Variants in GSDMA observed in about 807,000 individuals in gnomAD.
The protein encoded by GSDMA is gasdermin-A.
A neutral mutation model predicts 54.3 loss-of-function variants in GSDMA; 55 were observed. That is an observed-to-expected ratio of 1.01 (90% confidence interval 0.82 to 1.27). The LOEUF is 1.27. Among genes scored for constraint, GSDMA ranks in the 50% most tolerant of loss-of-function variants. The pLI is 0.00. For missense variants in GSDMA, 542 were observed against 542.6 expected (o/e 1.00, Z 0.01); for synonymous variants, 211 against 224.7 (o/e 0.94, Z 0.54).
intron 2 of GSDMA, 39 bp downstream of exon 2, chr17:39,965,940 G>A (rs762263890): frequency 3.9e-6 from 6 of 1,533,110 alleles, no homozygotes; most frequent in Non-Finnish European, 5.3e-6. Context: ...GGGATACTGA[G>A]GGACAGGGGC....
At chr17:39,968,214 A>G (rs899326051) in intron 3 of GSDMA, among the ~76,000 whole-genome samples, 1 of 150,820 alleles carries the variant, frequency 6.6e-6, no homozygotes, top group African/African-American at 2.4e-5. Context: ...TAATTTTTGT[A>G]TTATTAGTAG....
chr17:39,965,246 AAGGG>A (rs558221996), intron 1 of GSDMA, among the ~76,000 whole-genome samples: 4 of 59,944 alleles, frequency 6.7e-5, no homozygotes, highest in Non-Finnish European at 1.3e-4. Context: ...GGAAGGAAGA[AAGGG>A]AGGGAGGGAG....
Position 39,965,829 on chromosome 17 carries a change from T to C in GSDMA, c.142T>C (p.Phe48Leu), listed in dbSNP as rs1164485348. ...LVLRKRKSTL[F>L]WGARYVRTDY... ...GCTGAGGAAGAGGAAGAGCACGCTC[T>C]TCTGGGGGGCCCGGTACGTCCGCAC... is the stretch of plus-strand genomic sequence containing the variant. Residue 48 changes from phenylalanine to leucine, a missense_variant, in exon 2 of 12, where the codon TTC (phenylalanine) becomes CTC (leucine). By Grantham distance (22) the Phe-to-Leu change is conservative (BLOSUM62 0). Coordinates refer to ENST00000301659, the MANE Select transcript of GSDMA (RefSeq NM_178171.5). 6.3e-7 allele frequency: 1 copy of C among 1,584,862 alleles called. No homozygotes were observed. The highest frequency in any genetic ancestry group is 8.6e-7 in the Non-Finnish European group (1 of 1,166,076).
intron 10 of GSDMA, among the ~76,000 whole-genome samples, 171 bp downstream of exon 10, chr17:39,975,185 A>T (rs1013931239): frequency 6.6e-6 from 1 of 152,240 alleles, no homozygotes; most frequent in African/African-American, 2.4e-5. Flanking sequence ...GCAGTGGCTC[A>T]TGCCTGTAAT....
intron 3 of GSDMA, among the ~76,000 whole-genome samples, chr17:39,970,089 G>C (rs11654561): frequency 0.023 from 3,417 of 151,542 alleles, 167 homozygotes; most frequent in African/African-American, 0.078. Flanking sequence ...GAGGAAAGAG[G>C]GGGGGAGCAT....
At chr17:39,963,920 T>A (rs1223489518) in intron 1 of GSDMA, among the ~76,000 whole-genome samples, 1 of 152,134 alleles carries the variant, frequency 6.6e-6, no homozygotes, top group African/African-American at 2.4e-5. Context: ...GGCCCTCTCA[T>A]CCTAGCGCAC....
chr17:39,974,470 T>C lies in GSDMA; in HGVS notation c.906+43T>C, dbSNP rs967166659. The stretch of plus-strand genomic sequence containing the variant: ...GTGGGGAAGGGTGGGAGAAGGCATG[T>C]TTTGGTGAAGATTTGGTGGGGGCGG... On this transcript the variant is annotated intron_variant, in intron 9 of 11. Coordinates refer to ENST00000301659, the MANE Select transcript of GSDMA (RefSeq NM_178171.5). 2.0e-6 allele frequency: 3 copies of C among 1,526,524 alleles called. No homozygotes were observed. The African/African-American group carries it at 4.2e-5, about 21-fold the overall frequency. The allele number at this position is 1,526,524 out of a possible 1,614,324, so 94.6% of individuals were successfully genotyped here. A position where few individuals can be genotyped will look rare whatever the true frequency, so the allele number is the denominator to read the frequency against.
In GSDMA at chr17:39,965,746, A is replaced by T. The variant is rs1241205798; in HGVS notation, c.59A>T (p.Asp20Val). Reference sequence around the variant, plus strand: ...GCCAGACAGCTAAACCCTCGAGGGGACCTGACACCACTTGACAGCCTCATC... The same window carrying T: ...GCCAGACAGCTAAACCCTCGAGGGGTCCTGACACCACTTGACAGCCTCATC... ...ALARQLNPRG[D>V]LTPLDSLIDF... The change falls in exon 2 of 12, where the codon GAC becomes GTC. Residue 20 changes from aspartate to valine, a missense_variant. Asp to Val is a radical substitution (Grantham distance 152, BLOSUM62 -3). Coordinates refer to ENST00000301659, the MANE Select transcript of GSDMA (RefSeq NM_178171.5). 2 of 1,611,538 alleles carry T rather than the reference A, an allele frequency of 1.2e-6. No individual in the cohort carries two copies. The highest frequency in any genetic ancestry group is 2.7e-5 in the African/African-American group (2 of 74,824).
chr17:39,973,564 GAA>G (rs34114516), intron 7 of GSDMA, among the ~76,000 whole-genome samples: 51,943 of 144,256 alleles, frequency 0.36, 9,121 homozygotes, highest in Middle Eastern at 0.47. Flanking sequence ...GCCTGGCCTA[GAA>G]AAAAAAAAAA....
chr17:39,977,068 T>C lies in GSDMA; in HGVS notation c.*10T>C. On this transcript the variant is annotated 3_prime_UTR_variant, in exon 12 of 12. Transcript: ENST00000301659. The stretch of plus-strand genomic sequence containing the variant: ...TACCAAGGCCTCCTAATTTGCCTTT[T>C]ACGTCTGCTTCATGACTCCCTAATG... The C allele has an allele frequency of 6.2e-7, 1 of 1,613,630 alleles. No homozygotes were observed. The highest frequency in any genetic ancestry group is 8.5e-7 in the Non-Finnish European group (1 of 1,179,728).
chr17:39,965,942 G>C, intron 2 of GSDMA, 41 bp downstream of exon 2: 2 of 1,529,428 alleles, frequency 1.3e-6, no homozygotes, highest in Non-Finnish European at 1.8e-6. Flanking sequence ...GATACTGAGG[G>C]ACAGGGGCTG....
At chr17:39,965,191 A>AAGGG (rs947692773) in intron 1 of GSDMA, among the ~76,000 whole-genome samples, 4 of 140,212 alleles carry the variant, frequency 2.9e-5, no homozygotes, top group Admixed American at 1.4e-4. Context: ...GGAAGGAAGG[A>AAGGG]AGGGAGAGGG....
rs1415834591 is a variant in GSDMA, at chr17:39,974,368, C to A, written c.847C>A (p.Leu283Ile). 2 of 1,598,484 alleles carry A rather than the reference C, an allele frequency of 1.3e-6. No individual in the cohort carries two copies. The highest frequency in any genetic ancestry group is 4.5e-5 in the East Asian group (2 of 44,196). ...KLSRVGQSSL[L>I]SSLSKLLGKK... ...GAGCCGAGTAGGGCAAAGCTCCCTGCTCAGCTCCCTCAGCAAACTTCTAGG... is the reference window on the plus strand; with the variant it reads ...GAGCCGAGTAGGGCAAAGCTCCCTGATCAGCTCCCTCAGCAAACTTCTAGG... Residue 283 changes from leucine to isoleucine, a missense_variant, in exon 9 of 12, where the codon CTC becomes ATC. Transcript: ENST00000301659.
intron 3 of GSDMA, among the ~76,000 whole-genome samples, chr17:39,968,841 TGACATTATAG>T (rs2144788516): frequency 6.6e-6 from 1 of 152,250 alleles, no homozygotes; most frequent in East Asian, 1.9e-4. Flanking sequence ...ACCCAGGTTG[TGACATTATAG>T]GACATTAAAG....
intron 3 of GSDMA, among the ~76,000 whole-genome samples, chr17:39,969,649 T>C (rs1167701579): frequency 2.6e-5 from 4 of 151,940 alleles, no homozygotes; most frequent in African/African-American, 7.3e-5. Flanking sequence ...AGGTAAGAGA[T>C]CATTGTAATT....
At chr17:39,966,579 A>G (rs1353125518) in intron 3 of GSDMA, 142 bp downstream of exon 3, 1 of 719,230 alleles carries the variant, frequency 1.4e-6, no homozygotes, top group Non-Finnish European at 2.2e-6. Context: ...TCTTGGAGGC[A>G]ACCCTTCTGG....
At chr17:39,963,926 C>T (rs60701125) in intron 1 of GSDMA, among the ~76,000 whole-genome samples, 16,794 of 152,172 alleles carry the variant, frequency 0.11, 1,054 homozygotes, top group African/African-American at 0.15. Context: ...CTCATCCTAG[C>T]GCACATCTCT....
At chr17:39,976,347 T>C (rs1345170791) in intron 11 of GSDMA, among the ~76,000 whole-genome samples, 10 of 151,586 alleles carry the variant, frequency 6.6e-5, no homozygotes, top group Non-Finnish European at 1.2e-4. Flanking sequence ...GGTGCGATCT[T>C]GGCTCACCAC....
chr17:39,970,089 G>T (rs11654561), intron 3 of GSDMA, among the ~76,000 whole-genome samples: 31 of 151,550 alleles, frequency 2.0e-4, no homozygotes, highest in South Asian at 2.1e-4. Flanking sequence ...GAGGAAAGAG[G>T]GGGGGAGCAT....
Sources: allele counts gnomAD v4.1 joint callset (sites outside exome capture counted in the v4.1 genomes callset), GRCh38; gene constraint gnomAD v4.1.1; transcripts MANE v1.5; gene names NCBI Gene and HGNC (gene_info 2026-07-23, HGNC 2026-07-21).